LMBR1: variants seen among roughly 807,000 people sequenced by gnomAD.
LMBR1 encodes the protein limb development membrane protein 1, also known as limb region 1 protein homolog.
A neutral mutation model predicts 73.9 loss-of-function variants in LMBR1; 52 were observed. The observed-to-expected ratio is 0.70, with a 90% CI of 0.56 to 0.89. LMBR1 has a LOEUF of 0.89. Among genes scored for constraint, LMBR1 ranks in the 40% least tolerant of loss-of-function variants. The pLI is 0.00. For synonymous variants in LMBR1, 215 were observed against 209.4 expected, an observed-to-expected ratio of 1.03 and a Z score of -0.23; for missense variants, 539 against 579.8, an observed-to-expected ratio of 0.93 and a Z score of 0.72.
intron 4 of LMBR1, among the ~76,000 whole-genome samples, chr7:156,815,972 T>C (rs1322813007): frequency 1.3e-5 from 2 of 150,806 alleles, no homozygotes; most frequent in South Asian, 2.2e-4. Context: ...TATTGATCCA[T>C]AAACATACAT....
chr7:156,855,176 A>G (rs1053417574), intron 1 of LMBR1, among the ~76,000 whole-genome samples: 1 of 152,242 alleles, frequency 6.6e-6, no homozygotes, highest in Non-Finnish European at 1.5e-5. Context: ...ACAACATTCA[A>G]AAATATGTGT....
chr7:156,680,395 A>AGTGTGTGTGTGTGTGT lies in LMBR1; in HGVS notation c.*3682_*3683insACACACACACACACAC, dbSNP rs1194019914. On this transcript the variant is annotated 3_prime_UTR_variant, in exon 17 of 17. Transcript: ENST00000353442. ...GAGAGACAGAGAGAGAGAGAGAGAGAGAGAGAGAGTGTGTGTGTGTGTGTG... is the reference window on the plus strand; with the variant it reads ...GAGAGACAGAGAGAGAGAGAGAGAGAGTGTGTGTGTGTGTGTGAGAGAGAGTGTGTGTGTGTGTGTG... 10 of 138,086 alleles carry AGTGTGTGTGTGTGTGT rather than the reference A, an allele frequency of 7.2e-5. No individual in the cohort carries two copies. Among genetic ancestry groups the AGTGTGTGTGTGTGTGT allele is most frequent in the Admixed American group, 2.2e-4 (3 of 13,704 alleles). 8.6% of individuals were successfully genotyped at this position (138,086 alleles called of 1,614,324 possible).
chr7:156,680,160 A>C lies in LMBR1; in HGVS notation c.*3918T>G, dbSNP rs1257127927. ...AATATTCAAAAACCAAAAAAAAAAA[A>C]AACTCCAAAAAGGTCTTTGTATTAT... On this transcript the variant is annotated 3_prime_UTR_variant, in exon 17 of 17. Coordinates refer to ENST00000353442, the MANE Select transcript of LMBR1 (RefSeq NM_022458.4). 1.3e-5 allele frequency: 2 copies of C among 152,100 alleles called. No individual in the cohort carries two copies. The highest frequency in any genetic ancestry group is 2.9e-5 in the Non-Finnish European group (2 of 68,020). 9.4% of individuals were successfully genotyped at this position (152,100 alleles called of 1,614,324 possible).
At chr7:156,843,744 G>A (rs917355179) in intron 1 of LMBR1, among the ~76,000 whole-genome samples, 10 of 151,188 alleles carry the variant, frequency 6.6e-5, no homozygotes, top group Non-Finnish European at 1.3e-4. Context: ...GCTGAGGCAC[G>A]AGAATAGCTT....
At chr7:156,821,771 C>T (rs1475276530) in intron 4 of LMBR1, among the ~76,000 whole-genome samples, 1 of 143,676 alleles carries the variant, frequency 7.0e-6, no homozygotes. Flanking sequence ...ACTAGTCAGC[C>T]TCCTTCCCCA....
chr7:156,816,316 G>A, intron 4 of LMBR1, among the ~76,000 whole-genome samples: 1 of 151,906 alleles, frequency 6.6e-6, no homozygotes, highest in Non-Finnish European at 1.5e-5. Context: ...AGTGATTCTT[G>A]TGCCTCAGCC....
At chr7:156,701,231 A>G (rs1329750693) in intron 15 of LMBR1, among the ~76,000 whole-genome samples, 3 of 151,988 alleles carry the variant, frequency 2.0e-5, no homozygotes, top group Non-Finnish European at 2.9e-5. Flanking sequence ...TATGCATCCA[A>G]CAGAAATGTT....
chr7:156,874,040 C>T (rs532522033), intron 1 of LMBR1, among the ~76,000 whole-genome samples: 51 of 152,348 alleles, frequency 3.3e-4, no homozygotes, highest in Admixed American at 2.4e-3. Flanking sequence ...TGGGACTGGG[C>T]GCCGTGGAGC....
downstream of LMBR1, among the ~76,000 whole-genome samples, chr7:156,673,385 C>CTA (rs1803026578): frequency 6.6e-6 from 1 of 152,108 alleles, no homozygotes; most frequent in South Asian, 2.1e-4. Flanking sequence ...GAGAACTCTT[C>CTA]TACTTTCAAT....
chr7:156,848,216 A>G (rs1795771555), intron 1 of LMBR1, among the ~76,000 whole-genome samples: 1 of 152,164 alleles, frequency 6.6e-6, no homozygotes, highest in South Asian at 2.1e-4. Context: ...CAACAAAAAC[A>G]AAAATTGACA....
intron 4 of LMBR1, among the ~76,000 whole-genome samples, chr7:156,818,547 ATTG>A (rs905672870): frequency 3.3e-5 from 5 of 152,150 alleles, no homozygotes; most frequent in African/African-American, 4.8e-5. Context: ...CCAAATTTTT[ATTG>A]TTATTTAGCT....
chr7:156,826,779 T>C, intron 3 of LMBR1, 35 bp from the exon 4 acceptor site: 1 of 1,563,744 alleles, frequency 6.4e-7, no homozygotes, highest in South Asian at 1.2e-5. Flanking sequence ...ACAAGTGATC[T>C]GAAAAAGCAA....
rs2131635219 is a variant in LMBR1, at chr7:156,670,447, G to A, written n.867-1160C>T. ...TCACTGTCAGAATTTGAAGAGAAAA[G>A]AGAACACGTGGGACAGAGGCAACAG... On this transcript the variant is annotated intron_variant and non_coding_transcript_variant, in intron 4 of 4. Transcript: ENST00000430825. This position sits in a 1 kb window ranked among gnomAD's most constrained non-coding sequence, Gnocchi z 4.3. Among the ~76,000 whole-genome samples the A allele has an allele frequency of 6.6e-6, 1 of 152,352 alleles. No individual in the cohort carries two copies. The highest frequency in any genetic ancestry group is 2.1e-4 in the South Asian group (1 of 4,826).
chr7:156,793,626 C>A (rs1447547332), intron 5 of LMBR1, among the ~76,000 whole-genome samples: 2 of 152,108 alleles, frequency 1.3e-5, no homozygotes, highest in African/African-American at 4.8e-5. Context: ...TGCTTGCTTT[C>A]TGAGGCTCAT....
intron 15 of LMBR1, among the ~76,000 whole-genome samples, chr7:156,707,817 TACTGACAGTTCTAGCCA>T: frequency 6.6e-6 from 1 of 151,802 alleles, no homozygotes; most frequent in Non-Finnish European, 1.5e-5. Flanking sequence ...TTCAACAGAG[TACTGACAGTTCTAGCCA>T]GAACAATCAG....
chr7:156,858,234 C>A (rs961730144), intron 1 of LMBR1, among the ~76,000 whole-genome samples: 1 of 151,842 alleles, frequency 6.6e-6, no homozygotes, highest in Non-Finnish European at 1.5e-5. Flanking sequence ...ATTACTAACA[C>A]ATGAAAATGA....
intron 4 of LMBR1, among the ~76,000 whole-genome samples, chr7:156,798,008 T>C (rs2133394542): frequency 6.6e-6 from 1 of 152,308 alleles, no homozygotes; most frequent in Middle Eastern, 3.4e-3. Flanking sequence ...GTTTTCTTTA[T>C]TCAAAAAGAG....
intron 5 of LMBR1, chr7:156,779,627 A>G (rs1443967330): frequency 4.3e-6 from 5 of 1,168,332 alleles, no homozygotes; most frequent in Non-Finnish European, 1.1e-6. Flanking sequence ...AATTCACATC[A>G]ATGAAGTGAA....
chr7:156,790,329 G>A (rs1275892121), intron 5 of LMBR1, among the ~76,000 whole-genome samples: 1 of 151,962 alleles, frequency 6.6e-6, no homozygotes, highest in African/African-American at 2.4e-5. Context: ...CCTTTTAGGT[G>A]AGGCTACTAA....
Sources: gnomAD v4.1 joint callset for allele counts (sites outside exome capture counted in the v4.1 genomes callset) on GRCh38, gnomAD v4.1.1 for gene constraint, Gnocchi (gnomAD v3.1) non-coding constraint, MANE v1.5 for transcripts, NCBI Gene and HGNC (gene_info 2026-07-23, HGNC 2026-07-21) for gene names.